The following METTL9 variants were observed in gnomAD, a reference collection of about 807,000 sequenced individuals.
The protein encoded by METTL9 is protein-L-histidine N-pros-methyltransferase.
Under a neutral mutation model 36.0 loss-of-function variants are expected in METTL9, and 10 were observed. The observed-to-expected ratio is 0.28, with a 90% CI of 0.17 to 0.47. The LOEUF is 0.47. Ranked by LOEUF, METTL9 falls within the 20% of genes least tolerant of loss-of-function variation. METTL9 has a pLI of 0.99. For missense variants in METTL9, 246 were observed against 383.5 expected (o/e 0.64, Z 3.00); for synonymous variants, 175 against 149.7 (o/e 1.17, Z -1.23).
chr16:21,643,419 G>A, intron 4 of METTL9: 1 of 664,138 alleles, frequency 1.5e-6, no homozygotes, highest in Non-Finnish European at 2.6e-6. Context: ...AGTGTCTGCA[G>A]TTGAAAGTTA....
rs149717075 is a variant in METTL9, at chr16:21,623,919, C to T, written c.567-1012C>T. The stretch of plus-strand genomic sequence containing the variant: ...CCGGGTAGCTGGGATTACAGGCACG[C>T]GCCACCACACCCAGCTAATTTTTGT... On this transcript the variant is annotated intron_variant, in intron 3 of 4. Transcript: ENST00000358154. Among the ~76,000 whole-genome samples the T allele has an allele frequency of 3.2e-3, 492 of 152,106 alleles. 3 individuals carry two copies. Among genetic ancestry groups the T allele is most frequent in the African/African-American group, 9.8e-3 (405 of 41,488 alleles).
intron 4 of METTL9, among the ~76,000 whole-genome samples, chr16:21,645,580 A>G (rs1271907423): frequency 6.6e-6 from 1 of 152,232 alleles, no homozygotes; most frequent in Non-Finnish European, 1.5e-5. Context: ...AAAAAGCTTC[A>G]GTGTGAAAAT....
rs1965044336 is a variant in METTL9, at chr16:21,599,608, GC to G, written c.-125del. 7.5e-7 allele frequency: 1 copy of G among 1,328,404 alleles called. No individual in the cohort carries two copies. Among genetic ancestry groups the G allele is most frequent in the African/African-American group, 1.6e-5 (1 of 64,192 alleles). The allele number at this position is 1,328,404 out of a possible 1,614,324, so 82.3% of individuals were successfully genotyped here. ...ACCCCCAGCCTTTGCCCTGAAGGGG[GC>G]TGGATGGGCAAGGCGGCCGCGATGG... On this transcript the variant is annotated 5_prime_UTR_variant, in exon 1 of 5. Transcript: ENST00000358154. This position sits in a 1 kb window ranked among gnomAD's most constrained non-coding sequence, Gnocchi z 4.4.
At chr16:21,643,126 T>A in intron 4 of METTL9, 1 of 1,609,248 alleles carries the variant, frequency 6.2e-7, no homozygotes, top group Non-Finnish European at 8.5e-7. Flanking sequence ...TTGAGCAATT[T>A]CCTGAAAAAT....
intron 3 of METTL9, among the ~76,000 whole-genome samples, chr16:21,621,433 A>T (rs1260743748): frequency 6.6e-6 from 1 of 151,678 alleles, no homozygotes; most frequent in Non-Finnish European, 1.5e-5. Context: ...TCAAGTGATT[A>T]GCCTGCCTCA....
intron 4 of METTL9, chr16:21,643,565 T>C: frequency 1.9e-6 from 3 of 1,607,136 alleles, no homozygotes; most frequent in South Asian, 1.1e-5. Flanking sequence ...GAGTCTTCTT[T>C]TATTTCTTTG....
chr16:21,597,345 A>C, upstream of METTL9: 1 of 1,220,182 alleles, frequency 8.2e-7, no homozygotes, highest in Non-Finnish European at 1.1e-6. Context: ...AAATCATTTG[A>C]TCATCGGATG....
At chr16:21,621,272 C>T (rs1283507844) in intron 3 of METTL9, among the ~76,000 whole-genome samples, 1 of 152,008 alleles carries the variant, frequency 6.6e-6, no homozygotes, top group Non-Finnish European at 1.5e-5. Context: ...CTTGGCTTCC[C>T]AGAGTGCTGA....
chr16:21,617,829 A>G, intron 2 of METTL9, 36 bp from the exon 3 acceptor site: 3 of 1,577,906 alleles, frequency 1.9e-6, no homozygotes, highest in Non-Finnish European at 2.6e-6. Flanking sequence ...CTTAATTTGC[A>G]TAGACACTTC....
chr16:21,624,131 C>T (rs968227332), intron 3 of METTL9, among the ~76,000 whole-genome samples: 1 of 152,028 alleles, frequency 6.6e-6, no homozygotes, highest in Non-Finnish European at 1.5e-5. Context: ...TTCCTGGGAA[C>T]GGAAATGTGC....
intron 4 of METTL9, among the ~76,000 whole-genome samples, chr16:21,650,994 C>T (rs953331409): frequency 2.0e-5 from 3 of 152,150 alleles, no homozygotes; most frequent in Admixed American, 6.5e-5. Context: ...GAGGCCGAGG[C>T]GGGCGGATCA....
At position 21,644,292 on chromosome 16, in the gene METTL9, T is replaced by C. The variant is rs959821452; in HGVS notation, c.752-10935T>C. 4.4e-6 allele frequency: 7 copies of C among 1,601,848 alleles called. No individual in the cohort carries two copies. The Admixed American group carries it at 6.7e-5, about 15-fold the overall frequency. On this transcript the variant is annotated intron_variant, in intron 4 of 4. Coordinates refer to ENST00000358154, the MANE Select transcript of METTL9 (RefSeq NM_016025.5). ...CCATGCAAGAGGATTTGACTTACTT[T>C]GGAGAGGAGTATGAAGGCCACGCAC...
At chr16:21,651,187 C>T (rs1369828954) in intron 4 of METTL9, among the ~76,000 whole-genome samples, 2 of 152,190 alleles carry the variant, frequency 1.3e-5, no homozygotes, top group African/African-American at 4.8e-5. Context: ...CTTGCCACTG[C>T]ACTCCAGCCT....
chr16:21,612,707 C>T lies in METTL9; in HGVS notation c.228C>T (p.Tyr76=). Residue 76 remains tyrosine, a synonymous_variant, in exon 2 of 5, where the codon TAC becomes TAT. Coordinates refer to ENST00000358154, the MANE Select transcript of METTL9 (RefSeq NM_016025.5). ...ESLQAVFVQS[Y]LDQGTQIFLN... is the part of the protein sequence containing the mutation. ...TCCAGGCTGTCTTTGTTCAGAGTTA[C>T]CTTGATCAAGGAACACAGATCTTCT... 6.2e-7 allele frequency: 1 copy of T among 1,610,402 alleles called. No homozygotes were observed. The highest frequency in any genetic ancestry group is 8.5e-7 in the Non-Finnish European group (1 of 1,179,000).
chr16:21,630,613 T>C (rs2141595443), intron 4 of METTL9, among the ~76,000 whole-genome samples: 1 of 152,290 alleles, frequency 6.6e-6, no homozygotes, highest in South Asian at 2.1e-4. Context: ...CCTGCAGTTG[T>C]AGTGTCCTCC....
At chr16:21,649,926 C>T (rs774381401) in intron 4 of METTL9, among the ~76,000 whole-genome samples, 4 of 152,120 alleles carry the variant, frequency 2.6e-5, no homozygotes, top group Non-Finnish European at 5.9e-5. Context: ...CCAGCCTGGT[C>T]TTAAACTCCT....
upstream of METTL9, chr16:21,599,382 G>A (rs959465071): frequency 1.2e-5 from 13 of 1,060,280 alleles, no homozygotes; most frequent in African/African-American, 6.8e-5. This position sits in a 1 kb window ranked among gnomAD's most constrained non-coding sequence, Gnocchi z 4.4. Flanking sequence ...CGGGACACGA[G>A]AACGCGCTCC....
chr16:21,623,936 A>C (rs796727730), intron 3 of METTL9, among the ~76,000 whole-genome samples: 4 of 152,076 alleles, frequency 2.6e-5, no homozygotes, highest in African/African-American at 7.2e-5. Flanking sequence ...ACACCCAGCT[A>C]ATTTTTGTAT....
At chr16:21,626,654 G>A (rs546361598) in intron 4 of METTL9, 2 of 152,270 alleles carry the variant, frequency 1.3e-5, no homozygotes, top group African/African-American at 4.8e-5. Context: ...TTAAATGTGA[G>A]TGTATATATA....
Sources: allele counts gnomAD v4.1 joint callset (sites outside exome capture counted in the v4.1 genomes callset), GRCh38; gene constraint gnomAD v4.1.1; non-coding constraint Gnocchi (gnomAD v3.1); transcripts MANE v1.5; gene names NCBI Gene and HGNC (gene_info 2026-07-23, HGNC 2026-07-21).